SOX5: variants seen among roughly 807,000 people sequenced by gnomAD.
SOX5 encodes the protein SRY-box transcription factor 5.
Under a neutral mutation model 92.0 loss-of-function variants are expected in SOX5, and 9 were observed. That is an observed-to-expected ratio of 0.10 (90% CI 0.06 to 0.17). The LOEUF (loss-of-function observed/expected upper bound fraction) is 0.17, where lower values mean the gene tolerates loss of function less well. SOX5 is among the 10% of genes least tolerant of loss of function. The pLI is 1.00. For synonymous variants in SOX5, 344 were observed against 336.3 expected (o/e 1.02, Z -0.25); for missense variants, 642 against 944.5 (o/e 0.68, Z 4.20).
At chr12:24,108,861 A>G (rs907581304) in intron 4 of SOX5, among the ~76,000 whole-genome samples, 21 of 152,154 alleles carry the variant, frequency 1.4e-4, no homozygotes, top group African/African-American at 4.8e-4. Flanking sequence ...AGTGAAAGTA[A>G]TAACACTGTT....
At chr12:23,773,312 A>C (rs1196017887) in intron 3 of SOX5, among the ~76,000 whole-genome samples, 1 of 152,102 alleles carries the variant, frequency 6.6e-6, no homozygotes, top group Non-Finnish European at 1.5e-5. Flanking sequence ...ATTCTGAAAA[A>C]CCAAACTGTA....
chr12:24,370,437 A>G (rs1432145000), intron 1 of SOX5, among the ~76,000 whole-genome samples: 1 of 134,998 alleles, frequency 7.4e-6, no homozygotes, highest in Non-Finnish European at 1.5e-5. Flanking sequence ...AGACTGCGCC[A>G]CCGCACTCCA....
intron 3 of SOX5, among the ~76,000 whole-genome samples, chr12:24,228,947 A>T (rs1373461285): frequency 6.6e-6 from 1 of 152,170 alleles, no homozygotes; most frequent in Non-Finnish European, 1.5e-5. Flanking sequence ...TGGTTAATCG[A>T]GCCCATATAA....
At chr12:23,917,408 A>G (rs529516373) in intron 1 of SOX5, among the ~76,000 whole-genome samples, 25 of 151,942 alleles carry the variant, frequency 1.6e-4, no homozygotes, top group Non-Finnish European at 2.9e-4. Flanking sequence ...CAAAAAATGG[A>G]TAGGCCTGGT....
intron 3 of SOX5, among the ~76,000 whole-genome samples, chr12:24,254,420 T>C (rs530180986): frequency 4.3e-4 from 65 of 151,424 alleles, no homozygotes; most frequent in African/African-American, 1.3e-3. Context: ...ATCTAATACA[T>C]CTAATCTACC....
chr12:24,274,008 G>T (rs1332211868), intron 3 of SOX5, among the ~76,000 whole-genome samples: 1 of 152,070 alleles, frequency 6.6e-6, no homozygotes, highest in Non-Finnish European at 1.5e-5. Flanking sequence ...TTGGAAAATG[G>T]TTGAGGCTTA....
intron 4 of SOX5, among the ~76,000 whole-genome samples, chr12:24,082,964 C>T (rs1409033786): frequency 2.0e-5 from 3 of 151,914 alleles, no homozygotes; most frequent in Non-Finnish European, 4.4e-5. Context: ...CAACAAACTT[C>T]TCAGTTATGT....
chr12:23,673,114 T>A (rs952920247), intron 6 of SOX5, among the ~76,000 whole-genome samples: 1 of 152,060 alleles, frequency 6.6e-6, no homozygotes, highest in Non-Finnish European at 1.5e-5. Context: ...AATAAGAAAA[T>A]GGTGAAAAGA....
intron 11 of SOX5, among the ~76,000 whole-genome samples, chr12:23,557,886 G>A (rs1259916014): frequency 2.7e-5 from 4 of 149,556 alleles, no homozygotes; most frequent in African/African-American, 9.9e-5. Context: ...TGAGGCAGAG[G>A]AATCGCTTGA....
In SOX5 at chr12:23,736,997, A is replaced by AT. The variant is rs552925849; in HGVS notation, c.742-2246dup. Among the ~76,000 whole-genome samples, 535 of 147,064 alleles carry AT rather than the reference A, an allele frequency of 3.6e-3. 2 individuals are homozygous for AT. The highest frequency in any genetic ancestry group is 0.014 in the Middle Eastern group (4 of 284). The stretch of plus-strand genomic sequence containing the variant: ...CGTGAGCCACAGTGCCCGACCTACG[A>AT]TTTTTTTTTTTTCTGAAGAAAGTGG... On this transcript the variant is annotated intron_variant, in intron 5 of 14. Coordinates refer to ENST00000451604, the MANE Select transcript of SOX5 (RefSeq NM_006940.6).
At chr12:23,981,562 A>G (rs769135511) in intron 4 of SOX5, among the ~76,000 whole-genome samples, 1 of 152,176 alleles carries the variant, frequency 6.6e-6, no homozygotes, top group African/African-American at 2.4e-5. Context: ...ACACATATGC[A>G]CTTATGAAGA....
At chr12:24,299,898 T>C (rs1947757239) in intron 2 of SOX5, among the ~76,000 whole-genome samples, 2 of 152,192 alleles carry the variant, frequency 1.3e-5, no homozygotes, top group African/African-American at 4.8e-5. Flanking sequence ...CTCTGTGTGA[T>C]ATTTAATTTG....
chr12:24,198,410 A>G (rs897831472), intron 4 of SOX5, among the ~76,000 whole-genome samples: 2 of 152,168 alleles, frequency 1.3e-5, no homozygotes, highest in Admixed American at 6.5e-5. Flanking sequence ...CGAGTTGTTT[A>G]TCTGGATCTC....
chr12:23,739,699 A>T (rs2093726877), intron 5 of SOX5, among the ~76,000 whole-genome samples: 1 of 152,098 alleles, frequency 6.6e-6, no homozygotes, highest in African/African-American at 2.4e-5. Context: ...AAGGCCTATA[A>T]GCCTGCCACA....
At chr12:24,354,220 G>A (rs1426730504) in intron 2 of SOX5, among the ~76,000 whole-genome samples, 2 of 152,204 alleles carry the variant, frequency 1.3e-5, no homozygotes, top group Admixed American at 6.5e-5. Context: ...CAATTCACCT[G>A]ATCTGAAAAG....
At chr12:23,713,484 G>A (rs2092237436) in intron 6 of SOX5, among the ~76,000 whole-genome samples, 2 of 152,062 alleles carry the variant, frequency 1.3e-5, no homozygotes, top group African/African-American at 4.8e-5. Context: ...AGAATTTCCT[G>A]CAGTTCTGGA....
intron 3 of SOX5, among the ~76,000 whole-genome samples, chr12:23,844,711 G>A (rs1317705972): frequency 1.3e-5 from 2 of 151,996 alleles, no homozygotes; most frequent in African/African-American, 2.4e-5. Context: ...GTTTCACACA[G>A]GAATAGCTAT....
At chr12:23,607,397 G>A (rs2075373786) in intron 8 of SOX5, among the ~76,000 whole-genome samples, 1 of 152,096 alleles carries the variant, frequency 6.6e-6, no homozygotes, top group African/African-American at 2.4e-5. Flanking sequence ...CAAGTTAATA[G>A]GAAATTTCAG....
chr12:23,574,298 G>T (rs531869220), intron 10 of SOX5, among the ~76,000 whole-genome samples: 1 of 152,064 alleles, frequency 6.6e-6, no homozygotes, highest in African/African-American at 2.4e-5. Flanking sequence ...TACCGATGAG[G>T]CTCGTATTTC....
Sources: allele counts gnomAD v4.1 joint callset (sites outside exome capture counted in the v4.1 genomes callset), GRCh38; gene constraint gnomAD v4.1.1; transcripts MANE v1.5; gene names NCBI Gene and HGNC (gene_info 2026-07-23, HGNC 2026-07-21).